The following LRP1B variants were observed in gnomAD, a reference collection of about 807,000 sequenced individuals.
LRP1B encodes the protein LDL receptor related protein 1B, also known as low-density lipoprotein receptor-related protein 1B.
In LRP1B, 217 loss-of-function variants were observed where a neutral mutation model predicts 556.6. The ratio of observed to expected loss-of-function variants is 0.39; its 90% CI spans 0.35 to 0.44. The LOEUF (loss-of-function observed/expected upper bound fraction) is 0.44, where lower values mean the gene tolerates loss of function less well. Among genes scored for constraint, LRP1B ranks in the 20% least tolerant of loss-of-function variants. LRP1B has a pLI of 1.00. For synonymous variants in LRP1B, 2,047 were observed against 1,865.8 expected, an observed-to-expected ratio of 1.10 and a Z score of -2.50; for missense variants, 5,053 against 5,620.8, an observed-to-expected ratio of 0.90 and a Z score of 3.23.
Position 141,821,821 on chromosome 2 carries a change from C to T in LRP1B, c.83-11420G>A, listed in dbSNP as rs572406077. The stretch of plus-strand genomic sequence containing the variant: ...CTCACAAAAACATCTTATATAAAAC[C>T]GAGACAAAATTGAAAACTTGAAGAA... On this transcript the variant is annotated intron_variant, in intron 1 of 90. Transcript: ENST00000389484. 1.1e-3 allele frequency among the ~76,000 whole-genome samples: 165 copies of T among 151,988 alleles called. 1 individual carries two copies. Among genetic ancestry groups the T allele is most frequent in the South Asian group, 1.9e-3 (9 of 4,800 alleles).
chr2:141,459,927 T>C (rs1681795370), intron 3 of LRP1B, among the ~76,000 whole-genome samples: 1 of 152,162 alleles, frequency 6.6e-6, no homozygotes, highest in Non-Finnish European at 1.5e-5. Flanking sequence ...AAATATGATG[T>C]TGTGGATGGA....
intron 1 of LRP1B, among the ~76,000 whole-genome samples, chr2:142,093,012 C>T (rs1706227213): frequency 6.6e-6 from 1 of 152,028 alleles, no homozygotes; most frequent in Non-Finnish European, 1.5e-5. Context: ...GCGTGATCTC[C>T]CATCTACAAA....
chr2:141,116,176 A>G (rs1206490740), intron 7 of LRP1B, among the ~76,000 whole-genome samples: 2 of 152,218 alleles, frequency 1.3e-5, no homozygotes, highest in East Asian at 3.9e-4. Flanking sequence ...TGTATAATAC[A>G]TTCATATACT....
intron 3 of LRP1B, among the ~76,000 whole-genome samples, chr2:141,318,307 G>T (rs990491383): frequency 2.0e-5 from 3 of 152,114 alleles, no homozygotes; most frequent in African/African-American, 7.2e-5. Context: ...AACAAGAGAA[G>T]AAATTTTAAG....
rs190641565 is a variant in LRP1B, at chr2:141,777,132, A to G, written c.205+33147T>C. 2.5e-3 allele frequency among the ~76,000 whole-genome samples: 388 copies of G among 152,314 alleles called. 2 individuals carry two copies. The highest frequency in any genetic ancestry group is 9.0e-3 in the African/African-American group (376 of 41,572). ...AAAAGACTTTGGAGTAGCAGAGGCT[A>G]TAAGACATGATTGCCATTTATTTAA... On this transcript the variant is annotated intron_variant, in intron 2 of 90. Coordinates refer to ENST00000389484, the MANE Select transcript of LRP1B (RefSeq NM_018557.3).
At chr2:141,769,773 G>A (rs1694838742) in intron 2 of LRP1B, among the ~76,000 whole-genome samples, 1 of 139,758 alleles carries the variant, frequency 7.2e-6, no homozygotes, top group African/African-American at 2.7e-5. Flanking sequence ...AACTTTCTGA[G>A]ATGCTGTCTT....
At chr2:141,133,825 T>C (rs1701422591) in intron 7 of LRP1B, among the ~76,000 whole-genome samples, 1 of 152,016 alleles carries the variant, frequency 6.6e-6, no homozygotes, top group Admixed American at 6.6e-5. Flanking sequence ...CAACTACTCA[T>C]GATTGCCCCT....
chr2:141,782,292 T>C (rs762292967), intron 2 of LRP1B, among the ~76,000 whole-genome samples: 1 of 152,098 alleles, frequency 6.6e-6, no homozygotes, highest in Non-Finnish European at 1.5e-5. Flanking sequence ...AATTTTAGAC[T>C]GAATTCTCTC....
intron 1 of LRP1B, among the ~76,000 whole-genome samples, chr2:142,085,878 T>G (rs1705899341): frequency 2.0e-5 from 3 of 152,184 alleles, no homozygotes; most frequent in Admixed American, 2.0e-4. Flanking sequence ...CTGAAGTCAC[T>G]GAACTATCCC....
At chr2:142,107,947 A>G (rs1356016947) in intron 1 of LRP1B, among the ~76,000 whole-genome samples, 1 of 150,246 alleles carries the variant, frequency 6.7e-6, no homozygotes. Flanking sequence ...TGCCCAGTGG[A>G]TTCAATGAAT....
intron 41 of LRP1B, among the ~76,000 whole-genome samples, chr2:140,638,485 T>C (rs942978863): frequency 6.6e-6 from 1 of 152,160 alleles, no homozygotes; most frequent in African/African-American, 2.4e-5. Context: ...TGGTGATGTT[T>C]AAAAAGATTA....
At chr2:141,204,290 A>G (rs1174571534) in intron 6 of LRP1B, among the ~76,000 whole-genome samples, 1 of 152,190 alleles carries the variant, frequency 6.6e-6, no homozygotes, top group Non-Finnish European at 1.5e-5. Context: ...AAAACCAATC[A>G]CCAAATGACT....
intron 24 of LRP1B, among the ~76,000 whole-genome samples, chr2:140,884,526 A>T (rs1236389828): frequency 6.6e-6 from 1 of 152,112 alleles, no homozygotes; most frequent in East Asian, 1.9e-4. Flanking sequence ...AGCTACTACT[A>T]TATTTAACCT....
intron 3 of LRP1B, among the ~76,000 whole-genome samples, chr2:141,329,942 C>T (rs978102346): frequency 1.3e-5 from 2 of 151,940 alleles, no homozygotes; most frequent in African/African-American, 4.8e-5. Context: ...GCATTTGATT[C>T]CTCTCATGGT....
intron 18 of LRP1B, among the ~76,000 whole-genome samples, chr2:140,967,264 T>G (rs1363532856): frequency 6.6e-6 from 1 of 151,864 alleles, no homozygotes; most frequent in African/African-American, 2.4e-5. Context: ...TTCACATCCC[T>G]TGTAAGTTGG....
chr2:142,026,473 G>T (rs930503939), intron 1 of LRP1B, among the ~76,000 whole-genome samples: 3 of 151,966 alleles, frequency 2.0e-5, no homozygotes, highest in African/African-American at 4.8e-5. Context: ...TTTCCAAATC[G>T]TCATTTCTTA....
At chr2:140,319,181 T>G (rs1679947128) in intron 82 of LRP1B, among the ~76,000 whole-genome samples, 3 of 152,076 alleles carry the variant, frequency 2.0e-5, no homozygotes, top group Non-Finnish European at 1.5e-5. Flanking sequence ...TAGAAGAGGT[T>G]GTGGAAACAT....
chr2:141,511,659 A>G (rs1684136491), intron 2 of LRP1B, among the ~76,000 whole-genome samples: 2 of 152,170 alleles, frequency 1.3e-5, no homozygotes, highest in South Asian at 4.1e-4. Flanking sequence ...TTGCTATTCC[A>G]AAACCTTGTG....
intron 18 of LRP1B, among the ~76,000 whole-genome samples, chr2:140,955,280 T>C (rs1695839921): frequency 6.6e-6 from 1 of 151,940 alleles, no homozygotes; most frequent in African/African-American, 2.4e-5. Flanking sequence ...TTCATATTAG[T>C]GTTAATTTAA....
Sources: allele counts gnomAD v4.1 joint callset (sites outside exome capture counted in the v4.1 genomes callset), GRCh38; gene constraint gnomAD v4.1.1; transcripts MANE v1.5; gene names NCBI Gene and HGNC (gene_info 2026-07-23, HGNC 2026-07-21).